The following MICALL2 variants were observed in gnomAD, a reference collection of about 807,000 sequenced individuals.
MICALL2 encodes the protein MICAL like 2, also known as MICAL-like protein 2.
MICALL2 carries 111 observed loss-of-function variants against 91.1 expected under a neutral mutation model. That is an observed-to-expected ratio of 1.22 (90% CI 1.04 to 1.43). The LOEUF (loss-of-function observed/expected upper bound fraction) is 1.43. Among genes scored for constraint, MICALL2 ranks in the 40% most tolerant of loss-of-function variants. The pLI, the probability that MICALL2 is intolerant of heterozygous loss-of-function variation, is 0.00. For missense variants in MICALL2, 1,556 were observed against 1,236.0 expected (o/e 1.26, Z -3.88); for synonymous variants, 694 against 525.3 (o/e 1.32, Z -4.39).
At chr7:1,437,646 G>C (rs371618635) in intron 13 of MICALL2, 38 bp from the exon 14 acceptor site, 2 of 1,525,346 alleles carry the variant, frequency 1.3e-6, no homozygotes, top group Admixed American at 4.0e-5. Context: ...TGACTCTGCC[G>C]CCCTGTCCCC....
chr7:1,439,824 C>T (rs1250344811), intron 9 of MICALL2, 101 bp downstream of exon 9: 2 of 1,053,688 alleles, frequency 1.9e-6, no homozygotes, highest in African/African-American at 3.4e-5. Context: ...CCTCTCCGCA[C>T]ACCCCAGGAG....
At chr7:1,437,237 C>T in intron 14 of MICALL2, 1 of 502,528 alleles carries the variant, frequency 2.0e-6, no homozygotes, top group Non-Finnish European at 3.5e-6. Flanking sequence ...ACTGCTGCTA[C>T]ACTAAATGCC....
At chr7:1,445,515 G>T in intron 5 of MICALL2, 87 bp from the exon 6 acceptor site, 1 of 1,290,506 alleles carries the variant, frequency 7.7e-7, no homozygotes, top group South Asian at 1.5e-5. Context: ...CAGGCATTGC[G>T]GACTCCTGTG....
chr7:1,448,755 G>A lies in MICALL2; in HGVS notation c.199C>T (p.Arg67Cys), dbSNP rs377174790. 3.9e-5 allele frequency: 63 copies of A among 1,612,616 alleles called. No individual in the cohort carries two copies. In the African/African-American group the frequency reaches 4.3e-4, roughly 11 times the overall value. Residue 67 changes from arginine to cysteine, a missense_variant, in exon 3 of 17, where the codon CGC (arginine) becomes TGC (cysteine). Transcript: ENST00000297508. ...ATGCCCAAGTGCTCCTCGGCCACGC[G>A]GAAGGCCTGCGAAAGGTGGGAGGGG... Reference protein sequence around the residue: ...NIYENNKLAFRVAEEHLGIPA... With the variant: ...NIYENNKLAFCVAEEHLGIPA...
intron 3 of MICALL2, among the ~76,000 whole-genome samples, chr7:1,448,371 G>A (rs1285984072): frequency 2.0e-5 from 3 of 152,220 alleles, no homozygotes; most frequent in African/African-American, 7.2e-5. Flanking sequence ...TCCTGCAGCA[G>A]GATGAGGGCC....
chr7:1,437,625 C>T lies in MICALL2; in HGVS notation c.2403-17G>A, dbSNP rs374801751. On this transcript the variant is annotated splice_polypyrimidine_tract_variant and intron_variant, in intron 13 of 16. Coordinates refer to ENST00000297508, the MANE Select transcript of MICALL2 (RefSeq NM_182924.4). ...GCCTTGGACCTGCCGCACAGACACG[C>T]GTCTGAGGCCTGACTCTGCCGCCCT... 511 of 1,538,372 alleles carry T rather than the reference C, an allele frequency of 3.3e-4. 1 individual carries two copies. Among genetic ancestry groups the T allele is most frequent in the Non-Finnish European group, 4.2e-4 (478 of 1,145,796 alleles).
rs376870281 is a variant in MICALL2, at chr7:1,438,015, G to A, written c.2312-35C>T. 6.7e-5 allele frequency: 104 copies of A among 1,551,206 alleles called. No homozygotes were observed. In the Middle Eastern group the frequency reaches 1.9e-3, roughly 28 times the overall value. On this transcript the variant is annotated intron_variant, in intron 12 of 16. Coordinates refer to ENST00000297508, the MANE Select transcript of MICALL2 (RefSeq NM_182924.4). ...GGAGCCAGCTGGGGCAGGGGGGCCC[G>A]CCAGAGTTCATGGCCCCCAGCCCCA...
Position 1,438,091 on chromosome 7 carries a change from G to A in MICALL2, c.2311+6C>T, listed in dbSNP as rs747442195. The A allele has an allele frequency of 2.3e-5, 36 of 1,570,956 alleles. No individual in the cohort carries two copies. In the African/African-American group the frequency reaches 2.4e-4, roughly 11 times the overall value. The stretch of plus-strand genomic sequence containing the variant: ...GGCTGGCCCAGGGCCAGGCCGAGGC[G>A]CTCACCTCCCTCGGCCGCCCGCAGT... On this transcript the variant is annotated splice_donor_region_variant and intron_variant, in intron 12 of 16. Transcript: ENST00000297508.
chr7:1,454,006 C>A (rs1040065396), intron 1 of MICALL2, among the ~76,000 whole-genome samples: 1 of 152,194 alleles, frequency 6.6e-6, no homozygotes, highest in African/African-American at 2.4e-5. Context: ...GCCCCCACCA[C>A]CCCTCTAACT....
rs1406214145 is a variant in MICALL2 at position 1,445,156 on chromosome 7, T to C, written c.914A>G (p.Asn305Ser). The C allele has an allele frequency of 6.3e-7, 1 of 1,575,666 alleles. No individual in the cohort carries two copies. The highest frequency in any genetic ancestry group is 1.4e-5 in the African/African-American group (1 of 73,980). The change falls in exon 6 of 17, where the codon AAC (asparagine) becomes AGC (serine). Residue 305 changes from asparagine (N) to serine (S), a missense_variant. Asn to Ser is a conservative substitution (Grantham distance 46). Transcript: ENST00000297508. The stretch of plus-strand genomic sequence containing the variant: ...GGACGTGGCGCTGGTGGCTGCAGGG[T>C]TGGGTGCAGCTGGAACGGAAGCCCT... ...PARASVPAAPNPAATSATSVH... is the reference protein window; with the variant it reads ...PARASVPAAPSPAATSATSVH...
chr7:1,439,843 A>T (rs1780195110), intron 9 of MICALL2, 82 bp downstream of exon 9: 2 of 1,226,272 alleles, frequency 1.6e-6, no homozygotes, highest in African/African-American at 1.6e-5. Flanking sequence ...AGGTGGCACT[A>T]CAGGTCCAGT....
Position 1,450,359 on chromosome 7 carries a change from G to A in MICALL2, c.144-71C>T, listed in dbSNP as rs896750376. 35 of 1,312,368 alleles carry A rather than the reference G, an allele frequency of 2.7e-5. No individual in the cohort carries two copies. The Admixed American group carries it at 2.7e-4, about 10-fold the overall frequency. The allele number at this position is 1,312,368 out of a possible 1,614,324, so 81.3% of individuals were successfully genotyped here. A position where few individuals can be genotyped will look rare whatever the true frequency, so the allele number is the denominator to read the frequency against. On this transcript the variant is annotated intron_variant, in intron 1 of 16. Transcript: ENST00000297508. ...AGGGAGGGGCTGGAGGGCCTCAGAG[G>A]TCATCTTGCCCAAACAGAGAAACCG...
chr7:1,447,865 G>C (rs1480570301), intron 3 of MICALL2, 100 bp from the exon 4 acceptor site: 10 of 919,866 alleles, frequency 1.1e-5, no homozygotes, highest in Admixed American at 7.5e-5. Context: ...CTTGGTGCCC[G>C]GGGGGGACCT....
rs752089900 is a variant in MICALL2 at position 1,438,202 on chromosome 7, A to T, written c.2206T>A (p.Ser736Thr). Residue 736 changes from serine (S) to threonine (T), a missense_variant, in exon 12 of 17, where the codon TCC (serine) becomes ACC (threonine). Transcript: ENST00000297508. ...SPVRLHPDYL[S>T]PEEIQRQLQD... ...AGCTGCCTCTGTATCTCCTCCGGGG[A>T]GAGGTAGTCGGGGTGCAGCTGGGAA... 2.5e-6 allele frequency: 4 copies of T among 1,583,670 alleles called. No homozygotes were observed. The South Asian group carries it at 4.6e-5, about 18-fold the overall frequency.
At chr7:1,438,420 T>A in intron 10 of MICALL2, 67 bp from the exon 11 acceptor site, 1 of 1,548,194 alleles carries the variant, frequency 6.5e-7, no homozygotes, top group Non-Finnish European at 8.7e-7. Flanking sequence ...AGGACACAGC[T>A]TGGAAGGAGC....
At chr7:1,440,318 G>A (rs1377919972) in intron 8 of MICALL2, 9 of 628,968 alleles carry the variant, frequency 1.4e-5, no homozygotes, top group East Asian at 1.4e-4. Flanking sequence ...GGGCCCCACG[G>A]GACCCACACA....
intron 5 of MICALL2, 146 bp downstream of exon 5, chr7:1,446,567 A>AG (rs1361747991): frequency 9.0e-6 from 4 of 445,922 alleles, no homozygotes; most frequent in Non-Finnish European, 1.6e-5. Flanking sequence ...GGAGACGGGG[A>AG]GGGGGAGGGG....
chr7:1,437,569 G>A lies in MICALL2; in HGVS notation c.2442C>T (p.Ile814=), dbSNP rs202177068. 69 of 1,535,138 alleles carry A rather than the reference G, an allele frequency of 4.5e-5. No individual in the cohort carries two copies. The African/African-American group carries it at 6.1e-4, about 13-fold the overall frequency. Reference sequence around the variant, plus strand: ...CCATGAGCCGGCGCAGCTCGCCCTCGATGTCCAGCTGCTGCTCCTCCAGAC... The same window carrying A: ...CCATGAGCCGGCGCAGCTCGCCCTCAATGTCCAGCTGCTGCTCCTCCAGAC... ...AQRLEEQQLD[I]EGELRRLMAK... is the part of the protein sequence containing the mutation. The change falls in exon 14 of 17, where the codon ATC becomes ATT. Residue 814 remains isoleucine, a synonymous_variant. Transcript: ENST00000297508.
chr7:1,458,976 G>A (rs1002253730), intron 1 of MICALL2, among the ~76,000 whole-genome samples: 4 of 152,142 alleles, frequency 2.6e-5, no homozygotes, highest in Non-Finnish European at 4.4e-5. Context: ...GGCGGGCGGG[G>A]GATGCCATGG....
Sources: allele counts gnomAD v4.1 joint callset (sites outside exome capture counted in the v4.1 genomes callset), GRCh38; gene constraint gnomAD v4.1.1; transcripts MANE v1.5; gene names NCBI Gene and HGNC (gene_info 2026-07-23, HGNC 2026-07-21).